Variants in GRIK1 observed in about 807,000 individuals in gnomAD.
The protein encoded by GRIK1 is glutamate receptor ionotropic, kainate 1.
A neutral mutation model predicts 105.7 loss-of-function variants in GRIK1; 69 were observed. That is an observed-to-expected ratio of 0.65 (90% CI 0.54 to 0.80). The LOEUF (loss-of-function observed/expected upper bound fraction) is 0.80, where lower values mean the gene tolerates loss of function less well. Among genes scored for constraint, GRIK1 ranks in the 30% least tolerant of loss-of-function variants. The probability of loss-of-function intolerance (pLI) is 0.00; values close to 1 mark genes in which losing one functional copy is unlikely to be tolerated. For synonymous variants in GRIK1, 438 were observed against 431.3 expected (o/e 1.02, Z -0.19); for missense variants, 1,109 against 1,167.3 (o/e 0.95, Z 0.73).
chr21:29,837,693 A>C (rs569991694), intron 1 of GRIK1, among the ~76,000 whole-genome samples: 1 of 152,368 alleles, frequency 6.6e-6, no homozygotes. Flanking sequence ...AGAAGAAAAT[A>C]CATTTGTTTA....
rs2071899396 is a variant in GRIK1, at chr21:29,939,458, T to A, written c.43A>T (p.Arg15Trp). The change falls in exon 1 of 18, where the codon AGG becomes TGG. Residue 15 changes from arginine (R) to tryptophan (W), a missense_variant. Physicochemically the swap from Arg to Trp is moderately radical, Grantham distance 101. Around this residue, in one of 5 missense-constraint regions of GRIK1, gnomAD observed 612 missense variants for 586.0 expected, o/e 1.04. Coordinates refer to ENST00000327783, the MANE Select transcript of GRIK1 (RefSeq NM_001330994.2). ...TLLAQPGLWT[R>W]DTSWALLYFL... ...TAGAGGAGTGCCCAGCTGGTGTCCC[T>A]GGTCCAGAGCCCGGGCTGGGCGAGG... 2 of 1,601,666 alleles carry A rather than the reference T, an allele frequency of 1.2e-6. No homozygotes were observed. Among genetic ancestry groups the A allele is most frequent in the Admixed American group, 1.7e-5 (1 of 58,970 alleles).
intron 1 of GRIK1, among the ~76,000 whole-genome samples, chr21:29,828,204 C>G (rs961491185): frequency 6.6e-6 from 1 of 151,904 alleles, no homozygotes; most frequent in Non-Finnish European, 1.5e-5. Flanking sequence ...GTCAGGGAGG[C>G]TGCCCATATT....
At chr21:29,893,439 C>A (rs1448610512) in intron 1 of GRIK1, among the ~76,000 whole-genome samples, 1 of 152,212 alleles carries the variant, frequency 6.6e-6, no homozygotes, top group Non-Finnish European at 1.5e-5. Context: ...ATACCCAACT[C>A]TACTACTCAC....
chr21:29,625,573 T>G (rs1260413435), intron 7 of GRIK1, among the ~76,000 whole-genome samples: 2 of 152,184 alleles, frequency 1.3e-5, no homozygotes, highest in Non-Finnish European at 2.9e-5. Context: ...GAGAAGGTTT[T>G]AAAGTAACTT....
intron 1 of GRIK1, among the ~76,000 whole-genome samples, chr21:29,772,313 T>C (rs780354414): frequency 2.0e-5 from 3 of 152,212 alleles, no homozygotes; most frequent in African/African-American, 7.2e-5. Context: ...AGTTATACTA[T>C]GAAAAAATGA....
At chr21:29,587,727 T>TA (rs3216133) in intron 11 of GRIK1, 138 bp from the exon 12 acceptor site, 272,122 of 590,284 alleles carry the variant, frequency 0.46, 67,380 homozygotes, top group African/African-American at 0.78. Context: ...TTGGTTCTAA[T>TA]AAAAAAAAGC....
At position 29,537,324 on chromosome 21, in the gene GRIK1, AT is replaced by A. The variant is rs1200907182; in HGVS notation, c.2755del (p.Ile919Ter). ...CCCCTTAGTTCTTGACTTTTTCTTTATTTTTTTCTGATTCTTCAGTGAGATT... is the reference window on the plus strand; with the variant it reads ...CCCCTTAGTTCTTGACTTTTTCTTTATTTTTTCTGATTCTTCAGTGAGATT... ...LGISLKNQKK[I>X]KKKSRTKGKS... On this transcript the variant is annotated frameshift_variant, in exon 18 of 18. Coordinates refer to ENST00000327783, the MANE Select transcript of GRIK1 (RefSeq NM_001330994.2). LOFTEE classifies it high-confidence loss of function. 1 of 1,610,544 alleles carries A rather than the reference AT, an allele frequency of 6.2e-7. No individual in the cohort carries two copies. Among genetic ancestry groups the A allele is most frequent in the Non-Finnish European group, 8.5e-7 (1 of 1,177,726 alleles).
At chr21:29,760,267 C>T (rs1362968224) in intron 1 of GRIK1, 3 of 152,264 alleles carry the variant, frequency 2.0e-5, no homozygotes, top group African/African-American at 2.4e-5. Flanking sequence ...GTGGCCTGGT[C>T]GTCAGAGTAT....
chr21:29,873,300 T>G (rs1482960615), intron 1 of GRIK1, among the ~76,000 whole-genome samples: 1 of 152,122 alleles, frequency 6.6e-6, no homozygotes, highest in African/African-American at 2.4e-5. Context: ...TTCTCAGGGA[T>G]TTTAATATGT....
chr21:29,641,760 T>C (rs2062515527), intron 7 of GRIK1, among the ~76,000 whole-genome samples: 1 of 152,180 alleles, frequency 6.6e-6, no homozygotes, highest in African/African-American at 2.4e-5. Context: ...CCTAGGTACT[T>C]AATCCTTATA....
chr21:29,888,907 GT>G (rs1415127436), intron 1 of GRIK1, among the ~76,000 whole-genome samples: 1 of 147,538 alleles, frequency 6.8e-6, no homozygotes, highest in Non-Finnish European at 1.5e-5. Flanking sequence ...TCATGGAAAG[GT>G]TTCCCTTTTT....
At chr21:29,774,210 T>A (rs990962334) in intron 1 of GRIK1, among the ~76,000 whole-genome samples, 14 of 152,182 alleles carry the variant, frequency 9.2e-5, no homozygotes, top group Non-Finnish European at 2.9e-5. Context: ...CAGAAAGCAC[T>A]TTTGTCCCCT....
intron 1 of GRIK1, among the ~76,000 whole-genome samples, chr21:29,755,839 A>G (rs889716451): frequency 7.9e-5 from 12 of 152,226 alleles, no homozygotes; most frequent in Non-Finnish European, 1.5e-5. Flanking sequence ...TGGAAAGTAG[A>G]ATATATCCCA....
chr21:29,912,727 A>G (rs2070861393), intron 1 of GRIK1, among the ~76,000 whole-genome samples: 1 of 152,056 alleles, frequency 6.6e-6, no homozygotes, highest in Non-Finnish European at 1.5e-5. Context: ...CACAGGGTAT[A>G]TTTGTTCCAG....
At chr21:29,703,035 T>C (rs2832430) in intron 1 of GRIK1, among the ~76,000 whole-genome samples, 147,621 of 152,310 alleles carry the variant, frequency 0.97, 71,714 homozygotes, top group East Asian at 1. Context: ...CTTTCCTGTT[T>C]GTGAAATGTT....
intron 7 of GRIK1, among the ~76,000 whole-genome samples, chr21:29,642,328 T>C (rs964730717): frequency 4.6e-5 from 7 of 152,232 alleles, no homozygotes; most frequent in East Asian, 1.9e-4. Context: ...AGGTTTTGAA[T>C]GGGAATAAAC....
At chr21:29,748,925 C>T (rs1026402348) in intron 1 of GRIK1, 1 of 152,278 alleles carries the variant, frequency 6.6e-6, no homozygotes, top group African/African-American at 2.4e-5. Context: ...GATCCTAATT[C>T]GATCTGGAGT....
chr21:29,879,733 T>C (rs557057796), intron 1 of GRIK1, among the ~76,000 whole-genome samples: 260 of 152,224 alleles, frequency 1.7e-3, no homozygotes, highest in African/African-American at 5.8e-3. Context: ...GGTAGCTCTT[T>C]AAGGAGCTAG....
At position 29,939,795 on chromosome 21, in the gene GRIK1, A is replaced by G; in HGVS notation, c.-295T>C. 1.6e-5 allele frequency: 5 copies of G among 304,276 alleles called. No individual in the cohort carries two copies. The highest frequency in any genetic ancestry group is 1.2e-5 in the Non-Finnish European group (2 of 165,680). The allele number at this position is 304,276 out of a possible 1,614,324, so 18.8% of individuals were successfully genotyped here. On this transcript the variant is annotated 5_prime_UTR_variant, in exon 1 of 18. Coordinates refer to ENST00000327783, the MANE Select transcript of GRIK1 (RefSeq NM_001330994.2). ...CAGCGCTCTCTGGCTCCCGGAGCCC[A>G]GAGACCAGCTGAGGAAAGTTGCTGC... is the stretch of plus-strand genomic sequence containing the variant.
Sources: gnomAD v4.1 joint callset for allele counts (sites outside exome capture counted in the v4.1 genomes callset) on GRCh38, gnomAD v4.1.1 for gene constraint, gnomAD v4.1.1 regional missense constraint, MANE v1.5 for transcripts, NCBI Gene and HGNC (gene_info 2026-07-23, HGNC 2026-07-21) for gene names.